The following OR3A2 variants were observed in gnomAD, a reference collection of about 807,000 sequenced individuals.
OR3A2 encodes the protein olfactory receptor family 3 subfamily A member 2, also known as olfactory receptor 3A2.
For missense variants in OR3A2, 318 were observed against 392.8 expected, an observed-to-expected ratio of 0.81 and a Z score of 1.61; for synonymous variants, 126 against 159.3, an observed-to-expected ratio of 0.79 and a Z score of 1.57.
chr17:3,299,153 T>C (rs905048123), intron 3 of OR3A2, among the ~76,000 whole-genome samples: 6 of 152,158 alleles, frequency 3.9e-5, no homozygotes, highest in Admixed American at 1.3e-4. Flanking sequence ...AAAGCCACAG[T>C]GGATCTAATG....
intron 2 of OR3A2, among the ~76,000 whole-genome samples, chr17:3,349,212 C>T (rs1197702006): frequency 1.3e-5 from 2 of 152,090 alleles, no homozygotes; most frequent in Non-Finnish European, 2.9e-5. Flanking sequence ...GGACTAAATG[C>T]TCCAATTAAA....
chr17:3,343,457 C>T (rs1373183730), intron 2 of OR3A2, among the ~76,000 whole-genome samples: 1 of 152,230 alleles, frequency 6.6e-6, no homozygotes, highest in East Asian at 1.9e-4. Flanking sequence ...CCAACATAAA[C>T]TCAGTATGCC....
chr17:3,370,405 T>A (rs1183912443), intron 2 of OR3A2, among the ~76,000 whole-genome samples: 2 of 152,204 alleles, frequency 1.3e-5, no homozygotes, highest in Non-Finnish European at 2.9e-5. Flanking sequence ...CTTATTTGGA[T>A]TTTCTCTCTT....
chr17:3,278,906 T>C (rs762002064), exon 2 of OR3A2: 1 of 1,523,378 alleles, frequency 6.6e-7, no homozygotes, highest in Non-Finnish European at 8.8e-7. Context: ...TGGTCCCAGC[T>C]TCTGGCTCCA....
intron 3 of OR3A2, among the ~76,000 whole-genome samples, chr17:3,314,471 G>A (rs1054417390): frequency 6.6e-6 from 1 of 150,750 alleles, no homozygotes; most frequent in Non-Finnish European, 1.5e-5. Context: ...TAGCACATAT[G>A]ACTAAATTGA....
chr17:3,330,216 T>C (rs1224819307), intron 3 of OR3A2, among the ~76,000 whole-genome samples: 1 of 151,660 alleles, frequency 6.6e-6, no homozygotes, highest in Non-Finnish European at 1.5e-5. Flanking sequence ...GTTCTGTAGA[T>C]GTCTATTAGG....
chr17:3,342,642 T>A (rs1189784256), intron 2 of OR3A2, among the ~76,000 whole-genome samples: 2 of 152,200 alleles, frequency 1.3e-5, no homozygotes, highest in Non-Finnish European at 2.9e-5. Context: ...GCCCGATCCT[T>A]CCTCTGGAAG....
At chr17:3,371,563 G>C (rs1184623712) in intron 2 of OR3A2, among the ~76,000 whole-genome samples, 2 of 137,668 alleles carry the variant, frequency 1.5e-5, no homozygotes, top group East Asian at 2.4e-4. Flanking sequence ...CTGGCCGGGC[G>C]GGGGGCTGAT....
At chr17:3,290,032 C>CA (rs921152689) in intron 3 of OR3A2, among the ~76,000 whole-genome samples, 1 of 152,110 alleles carries the variant, frequency 6.6e-6, no homozygotes, top group African/African-American at 2.4e-5. Flanking sequence ...TGTGTTTTCT[C>CA]ATCTAGTAAA....
intron 2 of OR3A2, among the ~76,000 whole-genome samples, chr17:3,345,269 C>A (rs971491152): frequency 2.0e-5 from 3 of 152,154 alleles, no homozygotes; most frequent in African/African-American, 4.8e-5. Context: ...TAGAGGTCAA[C>A]CAAGTAAATA....
intron 3 of OR3A2, among the ~76,000 whole-genome samples, chr17:3,328,490 ATGT>A (rs1157662762): frequency 7.3e-6 from 1 of 136,910 alleles, no homozygotes; most frequent in Non-Finnish European, 1.5e-5. Context: ...ATATACAATG[ATGT>A]TGTCTGCAAA....
intron 3 of OR3A2, among the ~76,000 whole-genome samples, chr17:3,322,827 T>G (rs1310726558): frequency 2.0e-5 from 3 of 152,106 alleles, no homozygotes; most frequent in Non-Finnish European, 2.9e-5. Flanking sequence ...GTGGTGTGTT[T>G]CTGAAAAGAC....
chr17:3,322,709 T>C (rs1348805942), intron 3 of OR3A2, among the ~76,000 whole-genome samples: 1 of 152,224 alleles, frequency 6.6e-6, no homozygotes, highest in Non-Finnish European at 1.5e-5. Context: ...TTCTGAGTTC[T>C]AGTTTGATTG....
intron 3 of OR3A2, among the ~76,000 whole-genome samples, chr17:3,324,700 C>A (rs904977578): frequency 6.6e-6 from 1 of 152,046 alleles, no homozygotes; most frequent in Non-Finnish European, 1.5e-5. Flanking sequence ...AATGCTGCTG[C>A]CTGATCGTTC....
chr17:3,276,365 C>T (rs1022660881), downstream of OR3A2, among the ~76,000 whole-genome samples: 4 of 152,142 alleles, frequency 2.6e-5, no homozygotes, highest in African/African-American at 7.2e-5. Context: ...ACGGGCATAT[C>T]ATATATACAG....
intron 3 of OR3A2, chr17:3,292,290 C>T (rs2048881382): frequency 6.2e-7 from 1 of 1,613,972 alleles, no homozygotes; most frequent in Non-Finnish European, 8.5e-7. Flanking sequence ...AAGGCAGGCC[C>T]CACAGGGAAC....
chr17:3,381,209 G>A (rs2049732937), intron 2 of OR3A2, among the ~76,000 whole-genome samples: 1 of 151,972 alleles, frequency 6.6e-6, no homozygotes, highest in Admixed American at 6.6e-5. Context: ...GTGTCTGTGT[G>A]CAAGCGTGTA....
intron 3 of OR3A2, among the ~76,000 whole-genome samples, chr17:3,331,716 G>A (rs1452607104): frequency 2.6e-5 from 4 of 151,826 alleles, no homozygotes; most frequent in South Asian, 2.1e-4. Context: ...CTCTCAGCTC[G>A]TCAAAGTCAT....
intron 3 of OR3A2, among the ~76,000 whole-genome samples, chr17:3,308,804 C>A (rs9909369): frequency 0.013 from 1,964 of 152,210 alleles, 31 homozygotes; most frequent in African/African-American, 0.044. Context: ...GCCTTTTGCC[C>A]CCTAGTGGTC....
Sources: gnomAD v4.1 joint callset for allele counts (sites outside exome capture counted in the v4.1 genomes callset) on GRCh38, gnomAD v4.1.1 for gene constraint, MANE v1.5 for transcripts, NCBI Gene and HGNC (gene_info 2026-07-23, HGNC 2026-07-21) for gene names.